Variants in LHFPL3 observed in about 807,000 individuals in gnomAD.
LHFPL3 encodes LHFPL tetraspan subfamily member 3, also known as LHFPL tetraspan subfamily member 3 protein.
In LHFPL3, 5 loss-of-function variants were observed where a neutral mutation model predicts 19.3. That is an observed-to-expected ratio of 0.26 (90% CI 0.14 to 0.54). The LOEUF is 0.54. LHFPL3 is among the 20% of genes least tolerant of loss of function. The probability of loss-of-function intolerance (pLI) is 0.94; values close to 1 mark genes in which losing one functional copy is unlikely to be tolerated. For synonymous variants in LHFPL3, 133 were observed against 126.2 expected, an observed-to-expected ratio of 1.05 and a Z score of -0.36; for missense variants, 249 against 307.4, an observed-to-expected ratio of 0.81 and a Z score of 1.42.
intron 1 of LHFPL3, among the ~76,000 whole-genome samples, chr7:104,430,408 A>ATG (rs1791955944): frequency 3.4e-4 from 11 of 32,506 alleles, no homozygotes; most frequent in African/African-American, 4.2e-4. Flanking sequence ...ATATATACAT[A>ATG]TATATATATA....
At chr7:104,688,153 C>A (rs920061099) in intron 1 of LHFPL3, among the ~76,000 whole-genome samples, 7 of 152,162 alleles carry the variant, frequency 4.6e-5, no homozygotes, top group Non-Finnish European at 7.3e-5. Context: ...ATACCTTTGA[C>A]CATCTGTGGA....
chr7:104,862,493 G>A (rs1013309517), intron 2 of LHFPL3, among the ~76,000 whole-genome samples: 13 of 152,152 alleles, frequency 8.5e-5, no homozygotes, highest in Admixed American at 3.9e-4. Flanking sequence ...GCTAGCCCAG[G>A]GATGCTCTGA....
At chr7:104,880,607 A>C (rs1174245494) in intron 2 of LHFPL3, among the ~76,000 whole-genome samples, 1 of 152,078 alleles carries the variant, frequency 6.6e-6, no homozygotes, top group Non-Finnish European at 1.5e-5. Context: ...CCTGGGTGAC[A>C]GCACATCTCT....
rs567316578 is a variant in LHFPL3 at position 104,736,517 on chromosome 7, A to G, written c.446-158A>G. On this transcript the variant is annotated intron_variant, in intron 1 of 2. Coordinates refer to ENST00000424859, the MANE Select transcript of LHFPL3 (RefSeq NM_199000.3). Reference sequence around the variant, plus strand: ...TGCACGTTTGCATGCCCACACACACACACACACACATTCAGAGTGACAGTG... The same window carrying G: ...TGCACGTTTGCATGCCCACACACACGCACACACACATTCAGAGTGACAGTG... 2.6e-5 allele frequency among the ~76,000 whole-genome samples: 4 copies of G among 152,148 alleles called. No individual in the cohort carries two copies. The South Asian group carries it at 8.3e-4, about 32-fold the overall frequency.
In LHFPL3 at chr7:104,694,028, G is replaced by T. The variant is rs551900931; in HGVS notation, c.446-42647G>T. On this transcript the variant is annotated intron_variant, in intron 1 of 2. Coordinates refer to ENST00000424859, the MANE Select transcript of LHFPL3 (RefSeq NM_199000.3). ...TTTATGTTCTGCATAAACTGGGTTT[G>T]CTAAGCTAGGTCTGCTGACAGGGTC... is the stretch of plus-strand genomic sequence containing the variant. Among the ~76,000 whole-genome samples the T allele has an allele frequency of 5.4e-4, 82 of 152,298 alleles. No individual in the cohort carries two copies. In the South Asian group the frequency reaches 1.0e-2, roughly 18 times the overall value.
intron 1 of LHFPL3, among the ~76,000 whole-genome samples, chr7:104,419,738 T>C (rs573075241): frequency 1.2e-4 from 19 of 152,064 alleles, no homozygotes; most frequent in Non-Finnish European, 2.4e-4. Context: ...ATGGAAGTCA[T>C]TGGACGTATG....
chr7:104,358,006 A>G (rs568406232), intron 1 of LHFPL3, among the ~76,000 whole-genome samples: 23 of 152,334 alleles, frequency 1.5e-4, no homozygotes, highest in African/African-American at 5.3e-4. Flanking sequence ...GGGTGAGGGA[A>G]GGTAATATAA....
In LHFPL3 at chr7:104,807,056, T is replaced by G. The variant is rs78556299; in HGVS notation, c.682+70145T>G. Among the ~76,000 whole-genome samples, 1,438 of 149,614 alleles carry G rather than the reference T, an allele frequency of 9.6e-3. 20 individuals are homozygous for G. The highest frequency in any genetic ancestry group is 0.032 in the African/African-American group (1,307 of 40,412). ...GTGTGTGTGTGTGTGTGTGTGTGTA[T>G]TAGAGTCCTAACCCCCTGTACCTCA... is the stretch of plus-strand genomic sequence containing the variant. On this transcript the variant is annotated intron_variant, in intron 2 of 2. Transcript: ENST00000424859.
chr7:104,416,219 G>A (rs1018185211), intron 1 of LHFPL3, among the ~76,000 whole-genome samples: 1 of 152,114 alleles, frequency 6.6e-6, no homozygotes, highest in Non-Finnish European at 1.5e-5. Context: ...TAGAAGCCAA[G>A]GAATTCCAAG....
At chr7:104,345,130 T>G (rs1790038342) in intron 1 of LHFPL3, among the ~76,000 whole-genome samples, 1 of 152,202 alleles carries the variant, frequency 6.6e-6, no homozygotes, top group Non-Finnish European at 1.5e-5. Context: ...TGAGTCAGTT[T>G]GTAAAGATAT....
intron 1 of LHFPL3, among the ~76,000 whole-genome samples, chr7:104,359,104 G>T (rs927738302): frequency 6.6e-6 from 1 of 152,182 alleles, no homozygotes; most frequent in African/African-American, 2.4e-5. Flanking sequence ...CACAAAGAGG[G>T]CCAGCCTGAG....
At chr7:104,571,065 T>C (rs77884377) in intron 1 of LHFPL3, among the ~76,000 whole-genome samples, 6,760 of 152,262 alleles carry the variant, frequency 0.044, 465 homozygotes, top group African/African-American at 0.15. Context: ...CAGAATAGCA[T>C]CTGAATTAAA....
At position 104,906,200 on chromosome 7, in the gene LHFPL3, A is replaced by G. The variant is rs761810816; in HGVS notation, c.696A>G (p.Gln232=). 9 of 1,610,480 alleles carry G rather than the reference A, an allele frequency of 5.6e-6. No homozygotes were observed. In the East Asian group the frequency reaches 1.6e-4, roughly 28 times the overall value. ...LKAENKVLLS[Q]YSLE ...CAATTTCTGCAGTTCTGCTAAGCCA[A>G]TATTCTCTAGAATGAGCACAAAACA... The change falls in exon 3 of 3, where the codon CAA becomes CAG. Residue 232 remains glutamine, a synonymous_variant. Coordinates refer to ENST00000424859, the MANE Select transcript of LHFPL3 (RefSeq NM_199000.3).
intron 1 of LHFPL3, among the ~76,000 whole-genome samples, chr7:104,542,127 C>A (rs143163638): frequency 6.6e-6 from 1 of 151,736 alleles, no homozygotes; most frequent in Non-Finnish European, 1.5e-5. Flanking sequence ...GCAGAAGAGC[C>A]GAGAGTGTCA....
rs944713742 is a variant in LHFPL3 at position 104,581,228 on chromosome 7, C to T, written c.446-155447C>T. On this transcript the variant is annotated intron_variant, in intron 1 of 2. Coordinates refer to ENST00000424859, the MANE Select transcript of LHFPL3 (RefSeq NM_199000.3). ...TTTTGAATTTTAGCCATTCTGAGAA[C>T]GTGTAGTGATATCTCACTGTGTTGT... 4.7e-4 allele frequency among the ~76,000 whole-genome samples: 71 copies of T among 152,120 alleles called. 2 individuals carry two copies. Among genetic ancestry groups the T allele is most frequent in the South Asian group, 6.2e-4 (3 of 4,822 alleles).
intron 1 of LHFPL3, among the ~76,000 whole-genome samples, chr7:104,659,106 G>A (rs75534483): frequency 3.3e-5 from 5 of 152,154 alleles, no homozygotes; most frequent in Non-Finnish European, 5.9e-5. Context: ...ACCTTCCCAC[G>A]GAACCCCCTT....
At chr7:104,754,935 A>G (rs962065826) in intron 2 of LHFPL3, among the ~76,000 whole-genome samples, 5 of 152,054 alleles carry the variant, frequency 3.3e-5, no homozygotes, top group African/African-American at 1.2e-4. Context: ...ACCAGGTGCT[A>G]GGGGGCAGAG....
intron 2 of LHFPL3, among the ~76,000 whole-genome samples, chr7:104,751,374 C>G (rs1327300678): frequency 6.8e-6 from 1 of 147,566 alleles, no homozygotes; most frequent in Admixed American, 6.8e-5. Context: ...GAGGGGCAGG[C>G]ACTTCCTGGG....
intron 1 of LHFPL3, among the ~76,000 whole-genome samples, chr7:104,471,753 C>T (rs1269001423): frequency 2.6e-5 from 4 of 152,066 alleles, no homozygotes; most frequent in Admixed American, 6.5e-5. Context: ...TGTAATTTCA[C>T]GTTTATTATT....
Sources: gnomAD v4.1 joint callset for allele counts (sites outside exome capture counted in the v4.1 genomes callset) on GRCh38, gnomAD v4.1.1 for gene constraint, MANE v1.5 for transcripts, NCBI Gene and HGNC (gene_info 2026-07-23, HGNC 2026-07-21) for gene names.